SDK1: variants seen among roughly 807,000 people sequenced by gnomAD.
The protein encoded by SDK1 is protein sidekick-1.
In SDK1, 157 loss-of-function variants were observed where a neutral mutation model predicts 245.5. That is an observed-to-expected ratio of 0.64 (90% confidence interval 0.56 to 0.73). SDK1 has a LOEUF of 0.73. Among genes scored for constraint, SDK1 ranks in the 30% least tolerant of loss-of-function variants. SDK1 has a pLI of 0.00. For missense variants in SDK1, 3,583 were observed against 3,002.3 expected, an observed-to-expected ratio of 1.19 and a Z score of -4.52; for synonymous variants, 1,647 against 1,278.5, an observed-to-expected ratio of 1.29 and a Z score of -6.15.
intron 38 of SDK1, among the ~76,000 whole-genome samples, chr7:4,214,750 G>A (rs1273377520): frequency 6.6e-6 from 1 of 152,206 alleles, no homozygotes; most frequent in East Asian, 1.9e-4. Context: ...CAGCGGTGCT[G>A]GTGACATGAG....
intron 13 of SDK1, among the ~76,000 whole-genome samples, chr7:3,986,296 T>A (rs1484392466): frequency 6.6e-6 from 1 of 152,206 alleles, no homozygotes; most frequent in Non-Finnish European, 1.5e-5. Context: ...ACCATTTCCA[T>A]GGGATTTTAG....
intron 2 of SDK1, among the ~76,000 whole-genome samples, chr7:3,622,778 G>A (rs896597746): frequency 1.3e-5 from 2 of 152,300 alleles, no homozygotes; most frequent in African/African-American, 4.8e-5. Flanking sequence ...CATGGGAAAC[G>A]TAAGGAGGAA....
chr7:4,266,379 G>A lies in SDK1; in HGVS notation c.*995G>A, dbSNP rs1788469502. The A allele has an allele frequency of 9.1e-6, 9 of 985,354 alleles. No homozygotes were observed. Among genetic ancestry groups the A allele is most frequent in the Non-Finnish European group, 1.1e-5 (9 of 829,922 alleles). The allele number at this position is 985,354 out of a possible 1,614,324, so 61.0% of individuals were successfully genotyped here. The stretch of plus-strand genomic sequence containing the variant: ...GGAAAGATGAAAAGCAACAGTGTCT[G>A]CAAATAAAGCAAAACAGCTCTGAGA... On this transcript the variant is annotated 3_prime_UTR_variant, in exon 45 of 45. Transcript: ENST00000404826.
chr7:3,624,267 A>T (rs1039655204), intron 2 of SDK1, among the ~76,000 whole-genome samples: 7 of 152,296 alleles, frequency 4.6e-5, no homozygotes, highest in African/African-American at 1.7e-4. Context: ...TGGCCTGATC[A>T]TGGCTTACTT....
intron 32 of SDK1, among the ~76,000 whole-genome samples, chr7:4,163,522 A>G (rs1025425714): frequency 1.3e-5 from 2 of 152,162 alleles, no homozygotes; most frequent in African/African-American, 4.8e-5. Context: ...CAAGGCCACC[A>G]GTAGGTGTCC....
At chr7:3,400,112 C>G (rs1022485286) in intron 1 of SDK1, among the ~76,000 whole-genome samples, 1 of 151,680 alleles carries the variant, frequency 6.6e-6, no homozygotes, top group African/African-American at 2.4e-5. Flanking sequence ...TGAACTGGGT[C>G]TGCTCCCTCT....
chr7:3,837,918 C>T (rs1202793303), intron 5 of SDK1, among the ~76,000 whole-genome samples: 1 of 152,092 alleles, frequency 6.6e-6, no homozygotes, highest in Admixed American at 6.6e-5. Flanking sequence ...GAGCTTTATT[C>T]GCTCCTGGAG....
chr7:3,717,550 A>G (rs1785239326), intron 4 of SDK1, among the ~76,000 whole-genome samples: 1 of 152,208 alleles, frequency 6.6e-6, no homozygotes, highest in Non-Finnish European at 1.5e-5. Flanking sequence ...ATAATAAGAG[A>G]AAAGACACAA....
intron 4 of SDK1, among the ~76,000 whole-genome samples, chr7:3,678,800 A>G (rs1175507307): frequency 6.6e-6 from 1 of 152,232 alleles, no homozygotes; most frequent in East Asian, 1.9e-4. Context: ...ATTTTACCAC[A>G]GTTTTTTAAA....
chr7:3,895,402 A>G (rs1409532718), intron 5 of SDK1, among the ~76,000 whole-genome samples: 1 of 152,186 alleles, frequency 6.6e-6, no homozygotes, highest in Non-Finnish European at 1.5e-5. Flanking sequence ...GCCAATCAAC[A>G]TGTAGTGGAC....
chr7:3,597,861 T>C (rs1433621598), intron 1 of SDK1, among the ~76,000 whole-genome samples: 1 of 152,256 alleles, frequency 6.6e-6, no homozygotes, highest in African/African-American at 2.4e-5. Context: ...CTCTGTCGTT[T>C]TCCATGTAGG....
At chr7:3,405,598 G>C (rs1249192629) in intron 1 of SDK1, among the ~76,000 whole-genome samples, 2 of 152,150 alleles carry the variant, frequency 1.3e-5, no homozygotes, top group Non-Finnish European at 2.9e-5. Flanking sequence ...CCCCATGCTG[G>C]AGTAACATGT....
At chr7:3,652,180 G>A (rs116648304) in intron 4 of SDK1, among the ~76,000 whole-genome samples, 3,848 of 152,262 alleles carry the variant, frequency 0.025, 166 homozygotes, top group African/African-American at 0.087. Context: ...TCTTGTGAGC[G>A]GCTGCAGAGA....
intron 1 of SDK1, among the ~76,000 whole-genome samples, chr7:3,507,365 A>G (rs888353561): frequency 6.6e-6 from 1 of 152,038 alleles, no homozygotes; most frequent in Non-Finnish European, 1.5e-5. Flanking sequence ...TCTCCCTTCA[A>G]ATTGCTCTGA....
At chr7:4,145,474 A>G (rs766839525) in intron 28 of SDK1, among the ~76,000 whole-genome samples, 10 of 152,138 alleles carry the variant, frequency 6.6e-5, no homozygotes, top group African/African-American at 9.7e-5. Context: ...CTAAGGAAAG[A>G]TGAACCCGTG....
chr7:4,027,214 G>C (rs139064090), intron 17 of SDK1, among the ~76,000 whole-genome samples: 3 of 152,356 alleles, frequency 2.0e-5, no homozygotes, highest in Admixed American at 2.0e-4. Context: ...TACTGCACCT[G>C]AGGGTCATGG....
intron 25 of SDK1, among the ~76,000 whole-genome samples, chr7:4,121,518 A>T (rs1784065584): frequency 6.6e-6 from 1 of 152,156 alleles, no homozygotes; most frequent in South Asian, 2.1e-4. Flanking sequence ...TTCACCTTCC[A>T]TCACGATTGT....
chr7:3,475,894 C>T (rs1455906073), intron 1 of SDK1, among the ~76,000 whole-genome samples: 1 of 151,984 alleles, frequency 6.6e-6, no homozygotes, highest in Non-Finnish European at 1.5e-5. Flanking sequence ...GGATTCCTGC[C>T]CAAACCATTA....
At chr7:3,659,166 G>A (rs886369216) in intron 4 of SDK1, among the ~76,000 whole-genome samples, 9 of 151,850 alleles carry the variant, frequency 5.9e-5, no homozygotes, top group South Asian at 2.1e-4. Flanking sequence ...ATATTTCACC[G>A]GGTTCTTTTT....
Sources: gnomAD v4.1 joint callset for allele counts (sites outside exome capture counted in the v4.1 genomes callset) on GRCh38, gnomAD v4.1.1 for gene constraint, MANE v1.5 for transcripts, NCBI Gene and HGNC (gene_info 2026-07-23, HGNC 2026-07-21) for gene names.